PLEKHB2: variants seen among roughly 807,000 people sequenced by gnomAD.
PLEKHB2 encodes the protein pleckstrin homology domain containing B2, also known as pleckstrin homology domain-containing family B member 2.
In PLEKHB2, 31 loss-of-function variants were observed where a neutral mutation model predicts 36.5. The observed-to-expected ratio is 0.85, with a 90% CI of 0.64 to 1.15. PLEKHB2 has a LOEUF of 1.15. PLEKHB2 is among the 50% of genes most tolerant of loss of function. PLEKHB2 has a pLI of 0.00. For missense variants in PLEKHB2, 262 were observed against 295.3 expected, an observed-to-expected ratio of 0.89 and a Z score of 0.83; for synonymous variants, 119 against 112.0, an observed-to-expected ratio of 1.06 and a Z score of -0.39.
intron 6 of PLEKHB2, among the ~76,000 whole-genome samples, chr2:131,134,049 G>A (rs1272317414): frequency 2.0e-5 from 3 of 151,790 alleles, no homozygotes; most frequent in Admixed American, 6.6e-5. Flanking sequence ...ACAGGCGCCC[G>A]CCACCACGCC....
chr2:131,132,786 T>C, intron 5 of PLEKHB2, 116 bp from the exon 6 acceptor site: 2 of 650,410 alleles, frequency 3.1e-6, no homozygotes, highest in Non-Finnish European at 5.5e-6. Flanking sequence ...CAGAGAGCTA[T>C]GTATCTTTTT....
At position 131,140,134 on chromosome 2, in the gene PLEKHB2, A is replaced by T. The variant is rs1028616108; in HGVS notation, c.424-33A>T. 3.0e-6 allele frequency: 4 copies of T among 1,321,426 alleles called. No homozygotes were observed. In the African/African-American group the frequency reaches 5.8e-5, roughly 19 times the overall value. The allele number at this position is 1,321,426 out of a possible 1,614,324, so 81.9% of individuals were successfully genotyped here. On this transcript the variant is annotated intron_variant, in intron 6 of 7. Transcript: ENST00000693505. ...TTTAATACATTACCAGAGGTTTCAC[A>T]ATTGTATTTCTAATGGGCCTGTTTC...
intron 1 of PLEKHB2, among the ~76,000 whole-genome samples, chr2:131,107,131 C>G (rs1281279239): frequency 6.6e-6 from 1 of 152,160 alleles, no homozygotes; most frequent in East Asian, 1.9e-4. Context: ...TGCCTGCCTT[C>G]TTACTGTTTG....
At chr2:131,137,374 T>G (rs1478736514) in intron 6 of PLEKHB2, among the ~76,000 whole-genome samples, 1 of 152,224 alleles carries the variant, frequency 6.6e-6, no homozygotes, top group Non-Finnish European at 1.5e-5. Context: ...GCACATGGCC[T>G]CCTCCTCCCT....
In PLEKHB2 at chr2:131,146,844, C is replaced by A. The variant is rs1699340103; in HGVS notation, c.*71C>A. 9.0e-6 allele frequency: 12 copies of A among 1,329,508 alleles called. No individual in the cohort carries two copies. Among genetic ancestry groups the A allele is most frequent in the Non-Finnish European group, 1.2e-5 (12 of 976,608 alleles). The allele number at this position is 1,329,508 out of a possible 1,614,324, so 82.4% of individuals were successfully genotyped here. On this transcript the variant is annotated 3_prime_UTR_variant, in exon 8 of 8. Transcript: ENST00000693505. ...CAATAATATGATTTGCAGGGCATTT[C>A]TGTTTGTGACAAAAGTTTTTAATAA...
At chr2:131,131,175 T>C (rs188515707) in intron 5 of PLEKHB2, among the ~76,000 whole-genome samples, 1 of 152,250 alleles carries the variant, frequency 6.6e-6, no homozygotes, top group African/African-American at 2.4e-5. Context: ...AATGGGCAGG[T>C]AGTGCTGGGC....
chr2:131,140,095 C>A, intron 6 of PLEKHB2, 72 bp from the exon 7 acceptor site: 1 of 868,320 alleles, frequency 1.2e-6, no homozygotes, highest in South Asian at 1.6e-5. Flanking sequence ...TGATTGCAAC[C>A]TGGAGACCAC....
intron 5 of PLEKHB2, among the ~76,000 whole-genome samples, chr2:131,132,352 GC>G (rs1480594195): frequency 6.6e-6 from 1 of 152,136 alleles, no homozygotes; most frequent in East Asian, 1.9e-4. Context: ...TGTTGCCTGG[GC>G]TGGAGTGCAG....
At chr2:131,134,627 A>C (rs1479948461) in intron 6 of PLEKHB2, among the ~76,000 whole-genome samples, 1 of 152,224 alleles carries the variant, frequency 6.6e-6, no homozygotes, top group Non-Finnish European at 1.5e-5. Flanking sequence ...TGCAGCTATT[A>C]TAAAAAGTCT....
chr2:131,118,867 C>CAAAAAA (rs138450500), intron 1 of PLEKHB2: 14 of 45,216 alleles, frequency 3.1e-4, no homozygotes, highest in Non-Finnish European at 3.5e-4. Flanking sequence ...GATTCCGTCT[C>CAAAAAA]AAAAAAAAAA....
rs1213948708 is a variant in PLEKHB2 at position 131,125,767 on chromosome 2, C to T, written c.52C>T (p.Arg18Cys). 6.2e-7 allele frequency: 1 copy of T among 1,606,202 alleles called. No homozygotes were observed. The highest frequency in any genetic ancestry group is 8.5e-7 in the Non-Finnish European group (1 of 1,176,924). The change falls in exon 3 of 8, where the codon CGC becomes TGC. Residue 18 changes from arginine to cysteine, a missense_variant. Transcript: ENST00000693505. ...WLLRQSTILK[R>C]WKKNWFDLWS... ...TTTTTTTCCAGGTACTATTTTGAAG[C>T]GCTGGAAGAAGAACTGGTTTGATCT...
At chr2:131,131,758 C>CTTT (rs35889012) in intron 5 of PLEKHB2, among the ~76,000 whole-genome samples, 3 of 139,146 alleles carry the variant, frequency 2.2e-5, no homozygotes, top group African/African-American at 5.2e-5. Context: ...GAAAATCCCC[C>CTTT]TTTTTTTTTT....
At chr2:131,143,802 T>C (rs1324913106) in intron 7 of PLEKHB2, among the ~76,000 whole-genome samples, 1 of 152,234 alleles carries the variant, frequency 6.6e-6, no homozygotes, top group Non-Finnish European at 1.5e-5. Flanking sequence ...CTTTCTCAGC[T>C]TCCAGCCCAC....
At chr2:131,135,594 G>C (rs931265464) in intron 6 of PLEKHB2, among the ~76,000 whole-genome samples, 2 of 151,932 alleles carry the variant, frequency 1.3e-5, no homozygotes, top group Non-Finnish European at 2.9e-5. Context: ...CTGATTTTAG[G>C]GGGGATGTAT....
At chr2:131,127,150 A>G in intron 4 of PLEKHB2, 1 of 193,920 alleles carries the variant, frequency 5.2e-6, no homozygotes, top group Non-Finnish European at 1.1e-5. Context: ...AAATTGCTGA[A>G]CACTGAGTGA....
chr2:131,125,035 C>T (rs981044602), intron 2 of PLEKHB2, among the ~76,000 whole-genome samples: 4 of 152,136 alleles, frequency 2.6e-5, no homozygotes, highest in South Asian at 2.1e-4. Flanking sequence ...CCATCTGCCT[C>T]GGCCTCCCAA....
At position 131,133,901 on chromosome 2, in the gene PLEKHB2, GTT is replaced by G. The variant is rs537745063; in HGVS notation, c.423+925_423+926del. On this transcript the variant is annotated intron_variant, in intron 6 of 7. Coordinates refer to ENST00000693505, the MANE Select transcript of PLEKHB2 (RefSeq NM_001100623.2). The stretch of plus-strand genomic sequence containing the variant: ...CAATAATCCTTTTTATTGCTGAGTG[GTT>G]TTTTTTTTTTTTTTGGGATGGAGTC... Among the ~76,000 whole-genome samples the G allele has an allele frequency of 1.4e-3, 199 of 137,852 alleles. 1 individual carries two copies. Among genetic ancestry groups the G allele is most frequent in the African/African-American group, 4.7e-3 (177 of 37,756 alleles). 90.4% of individuals were successfully genotyped at this position (137,852 alleles called of 152,430 possible). A position where few individuals can be genotyped will look rare whatever the true frequency, so the allele number is the denominator to read the frequency against.
intron 1 of PLEKHB2, among the ~76,000 whole-genome samples, chr2:131,112,630 CTAAGTT>C (rs1409445135): frequency 1.3e-5 from 2 of 152,108 alleles, no homozygotes; most frequent in African/African-American, 4.8e-5. Context: ...GGGGCAGTTT[CTAAGTT>C]GAACATAAAC....
At chr2:131,132,457 G>A (rs140182158) in intron 5 of PLEKHB2, among the ~76,000 whole-genome samples, 26 of 152,206 alleles carry the variant, frequency 1.7e-4, no homozygotes, top group Non-Finnish European at 3.4e-4. Flanking sequence ...TAAGCACCAT[G>A]CCCAGTTAAT....
Sources: allele counts gnomAD v4.1 joint callset (sites outside exome capture counted in the v4.1 genomes callset), GRCh38; gene constraint gnomAD v4.1.1; transcripts MANE v1.5; gene names NCBI Gene and HGNC (gene_info 2026-07-23, HGNC 2026-07-21).